DGKB: variants seen among roughly 807,000 people sequenced by gnomAD.
DGKB encodes the protein 90 kDa diacylglycerol kinase.
Under a neutral mutation model 114.3 loss-of-function variants are expected in DGKB, and 67 were observed. The observed-to-expected ratio is 0.59, with a 90% confidence interval of 0.48 to 0.72. DGKB has a LOEUF of 0.72. Among genes scored for constraint, DGKB ranks in the 30% least tolerant of loss-of-function variants. The pLI is 0.00. For missense variants in DGKB, 907 were observed against 975.2 expected, an observed-to-expected ratio of 0.93 and a Z score of 0.93; for synonymous variants, 398 against 323.1, an observed-to-expected ratio of 1.23 and a Z score of -2.49.
intron 1 of DGKB, among the ~76,000 whole-genome samples, chr7:14,882,655 T>C (rs544164114): frequency 6.6e-6 from 1 of 152,076 alleles, no homozygotes; most frequent in African/African-American, 2.4e-5. Flanking sequence ...ATGTGCACAG[T>C]TTTTAGCACC....
intron 20 of DGKB, 38 bp from the exon 21 acceptor site, chr7:14,478,263 T>C: frequency 8.2e-7 from 1 of 1,224,590 alleles, no homozygotes; most frequent in Non-Finnish European, 1.2e-6. Flanking sequence ...CAGGATGGTT[T>C]ATGATCCTAT....
At chr7:14,226,655 T>TATCA (rs1790849606) in intron 23 of DGKB, among the ~76,000 whole-genome samples, 3 of 152,174 alleles carry the variant, frequency 2.0e-5, no homozygotes, top group Admixed American at 2.0e-4. Flanking sequence ...TTCATACACA[T>TATCA]ATCAAACTGT....
At chr7:14,507,035 C>T (rs929990474) in intron 20 of DGKB, among the ~76,000 whole-genome samples, 5 of 152,112 alleles carry the variant, frequency 3.3e-5, no homozygotes, top group African/African-American at 1.2e-4. Flanking sequence ...GAGGCACTAG[C>T]TGCAAGTGCC....
chr7:14,658,476 G>C lies in DGKB; in HGVS notation c.1134+14453C>G, dbSNP rs186142807. ...GGTTGGTTAATGGATACAAACACGA[G>C]GTTAGATAGAAGAAATAAATTTTAA... On this transcript the variant is annotated intron_variant, in intron 13 of 25. Transcript: ENST00000402815. Among the ~76,000 whole-genome samples, 226 of 151,832 alleles carry C rather than the reference G, an allele frequency of 1.5e-3. 1 individual carries two copies. Among genetic ancestry groups the C allele is most frequent in the Admixed American group, 5.5e-3 (84 of 15,196 alleles).
chr7:14,481,077 C>A (rs1038472091), intron 20 of DGKB, among the ~76,000 whole-genome samples: 2 of 151,480 alleles, frequency 1.3e-5, no homozygotes, highest in African/African-American at 4.8e-5. Context: ...CAAATTTAAA[C>A]CTCATTGTGT....
At chr7:14,792,883 C>T (rs1173254767) in intron 2 of DGKB, among the ~76,000 whole-genome samples, 1 of 152,092 alleles carries the variant, frequency 6.6e-6, no homozygotes, top group African/African-American at 2.4e-5. Flanking sequence ...ATTACTGCTA[C>T]TTTTAATTCA....
At chr7:14,191,361 T>G in intron 23 of DGKB, 1 of 156,802 alleles carries the variant, frequency 6.4e-6, no homozygotes, top group Non-Finnish European at 1.4e-5. Flanking sequence ...CTGTGCCAAT[T>G]TCTGGTTGGA....
intron 21 of DGKB, among the ~76,000 whole-genome samples, chr7:14,428,032 C>T (rs552203401): frequency 2.6e-5 from 4 of 151,856 alleles, no homozygotes; most frequent in African/African-American, 9.7e-5. Context: ...ATTTATTTTT[C>T]AATATTTTCA....
chr7:14,580,924 G>A lies in DGKB; in HGVS notation c.1547C>T (p.Pro516Leu), dbSNP rs745455162. 2 of 1,604,128 alleles carry A rather than the reference G, an allele frequency of 1.2e-6. No individual in the cohort carries two copies. Among genetic ancestry groups the A allele is most frequent in the Admixed American group, 3.3e-5 (2 of 59,812 alleles). ...AGTCCCAAGAGGCAGAATCGCAACTGGAGGATGCTTGCCTACATTGGCCTT... is the reference window on the plus strand; with the variant it reads ...AGTCCCAAGAGGCAGAATCGCAACTAGAGGATGCTTGCCTACATTGGCCTT... ...IEKANVGKHP[P>L]VAILPLGTGN... The change falls in exon 19 of 26, where the codon CCA (proline) becomes CTA (leucine). Residue 516 changes from proline to leucine, a missense_variant. Pro to Leu is a moderately conservative substitution (Grantham distance 98). Coordinates refer to ENST00000402815, the MANE Select transcript of DGKB (RefSeq NM_001350709.2).
intron 21 of DGKB, among the ~76,000 whole-genome samples, chr7:14,440,270 T>C (rs1455843330): frequency 6.6e-6 from 1 of 152,162 alleles, no homozygotes; most frequent in Non-Finnish European, 1.5e-5. Flanking sequence ...GCATTCCTTC[T>C]TGGCAGCAGA....
intron 13 of DGKB, among the ~76,000 whole-genome samples, chr7:14,638,464 A>C (rs1811150916): frequency 6.6e-6 from 1 of 152,030 alleles, no homozygotes; most frequent in African/African-American, 2.4e-5. Context: ...TGTCTGATAT[A>C]TTTTTTCTTG....
chr7:14,384,258 T>A (rs1337103015), intron 21 of DGKB, among the ~76,000 whole-genome samples: 2 of 152,230 alleles, frequency 1.3e-5, no homozygotes, highest in Admixed American at 6.5e-5. Flanking sequence ...TTAGCATTTT[T>A]AAAATTCTGG....
At chr7:14,319,268 C>T (rs1455045906) in intron 23 of DGKB, among the ~76,000 whole-genome samples, 1 of 132,424 alleles carries the variant, frequency 7.6e-6, no homozygotes, top group East Asian at 2.2e-4. Context: ...GCACATGTAC[C>T]CTAAAACTTA....
chr7:14,704,500 C>T (rs1825821371), intron 6 of DGKB, among the ~76,000 whole-genome samples: 2 of 151,408 alleles, frequency 1.3e-5, no homozygotes, highest in Admixed American at 6.6e-5. Context: ...CCAAGATGGC[C>T]GAATAGGAAC....
chr7:14,541,703 T>G (rs1427038353), intron 20 of DGKB, among the ~76,000 whole-genome samples: 4 of 152,210 alleles, frequency 2.6e-5, no homozygotes, highest in African/African-American at 9.6e-5. Flanking sequence ...TATAGGCTTT[T>G]CTGAGCAATC....
At chr7:14,710,443 T>C (rs955919813) in intron 6 of DGKB, among the ~76,000 whole-genome samples, 2 of 152,106 alleles carry the variant, frequency 1.3e-5, no homozygotes, top group African/African-American at 4.8e-5. Flanking sequence ...TAATAAACAA[T>C]GAATTTCAAT....
intron 13 of DGKB, among the ~76,000 whole-genome samples, chr7:14,638,919 T>A (rs1231265403): frequency 6.6e-6 from 1 of 152,068 alleles, no homozygotes; most frequent in Admixed American, 6.6e-5. Context: ...GCTCTTGTAA[T>A]CATGGCTACT....
chr7:14,415,403 A>C (rs954025284), intron 21 of DGKB, among the ~76,000 whole-genome samples: 4 of 142,676 alleles, frequency 2.8e-5, no homozygotes, highest in African/African-American at 1.0e-4. Context: ...TATATCTCCT[A>C]ATGCTATCCC....
In DGKB at chr7:14,365,279, A is replaced by G. The variant is rs541519853; in HGVS notation, c.1836-19888T>C. Among the ~76,000 whole-genome samples the G allele has an allele frequency of 2.0e-5, 3 of 152,194 alleles. No homozygotes were observed. The East Asian group carries it at 5.8e-4, about 29-fold the overall frequency. The stretch of plus-strand genomic sequence containing the variant: ...GGAGGAGGAAGCCAAGTCTTAATGC[A>G]GTAGAATTTGTACCAGAATTTGTCT... On this transcript the variant is annotated intron_variant, in intron 21 of 25. Coordinates refer to ENST00000402815, the MANE Select transcript of DGKB (RefSeq NM_001350709.2).
Sources: allele counts gnomAD v4.1 joint callset (sites outside exome capture counted in the v4.1 genomes callset), GRCh38; gene constraint gnomAD v4.1.1; transcripts MANE v1.5; gene names NCBI Gene and HGNC (gene_info 2026-07-23, HGNC 2026-07-21).